FCRL4: variants seen among roughly 807,000 people sequenced by gnomAD.
FCRL4 encodes Fc receptor like 4, also known as Fc receptor-like protein 4.
In FCRL4, 43 loss-of-function variants were observed where a neutral mutation model predicts 64.1. The observed-to-expected ratio is 0.67, with a 90% confidence interval of 0.53 to 0.87. The LOEUF is 0.87. Ranked by LOEUF, FCRL4 falls within the 40% of genes least tolerant of loss-of-function variation. The pLI is 0.00. For synonymous variants in FCRL4, 253 were observed against 239.8 expected, an observed-to-expected ratio of 1.05 and a Z score of -0.51; for missense variants, 656 against 613.5, an observed-to-expected ratio of 1.07 and a Z score of -0.73.
intron 3 of FCRL4, 124 bp from the exon 4 acceptor site, chr1:157,588,243 C>A: frequency 9.1e-7 from 1 of 1,094,670 alleles, no homozygotes; most frequent in Non-Finnish European, 1.3e-6. Flanking sequence ...CTGATCCAAG[C>A]TCACGAAACT....
At chr1:157,597,716 G>A (rs1368851019) in intron 1 of FCRL4, among the ~76,000 whole-genome samples, 198 bp downstream of exon 1, 1 of 152,188 alleles carries the variant, frequency 6.6e-6, no homozygotes, top group Non-Finnish European at 1.5e-5. Flanking sequence ...AGCAAAAATA[G>A]ATGAGAAATA....
intron 4 of FCRL4, 93 bp from the exon 5 acceptor site, chr1:157,587,653 A>C: frequency 7.3e-7 from 1 of 1,377,782 alleles, no homozygotes; most frequent in Non-Finnish European, 9.9e-7. Flanking sequence ...GAAACTTCAG[A>C]CACACAGCAA....
chr1:157,589,549 G>T, intron 2 of FCRL4, 91 bp from the exon 3 acceptor site: 1 of 1,494,028 alleles, frequency 6.7e-7, no homozygotes, highest in East Asian at 2.3e-5. Flanking sequence ...GACATGGCTT[G>T]GGAGATCCCT....
chr1:157,589,685 G>A (rs949412847), intron 2 of FCRL4, among the ~76,000 whole-genome samples: 1 of 152,210 alleles, frequency 6.6e-6, no homozygotes, highest in Non-Finnish European at 1.5e-5. Flanking sequence ...GGGCAGCCCT[G>A]GCAGGATCCA....
intron 3 of FCRL4, 32 bp downstream of exon 3, chr1:157,589,172 T>C: frequency 6.2e-7 from 1 of 1,604,138 alleles, no homozygotes; most frequent in Non-Finnish European, 8.5e-7. Flanking sequence ...ATACCATTTA[T>C]AAAGTTTCAA....
At chr1:157,578,286 G>C (rs530184205) in intron 10 of FCRL4, among the ~76,000 whole-genome samples, 188 bp downstream of exon 10, 1 of 152,262 alleles carries the variant, frequency 6.6e-6, no homozygotes, top group African/African-American at 2.4e-5. Flanking sequence ...AAAGTATACT[G>C]TGTGTATTTC....
In FCRL4 at chr1:157,586,449, G is replaced by C; in HGVS notation, c.854C>G (p.Pro285Arg). Residue 285 changes from proline to arginine, a missense_variant, in exon 6 of 12, where the codon CCT becomes CGT. Transcript: ENST00000271532. ...GGTCTCCAGGAGCACCCCAGACACA[G>C]GGATCCCTATGTGAAAATGAGACCA... ...PSLQIHVQRI[P>R]VSGVLLETQP... The C allele has an allele frequency of 6.2e-7, 1 of 1,605,604 alleles. No homozygotes were observed. Among genetic ancestry groups the C allele is most frequent in the Non-Finnish European group, 8.5e-7 (1 of 1,177,344 alleles).
intron 2 of FCRL4, among the ~76,000 whole-genome samples, chr1:157,591,537 T>C (rs1410820202): frequency 6.6e-6 from 1 of 152,120 alleles, no homozygotes; most frequent in African/African-American, 2.4e-5. Context: ...ACAATAAATA[T>C]ATATGGGAGA....
In FCRL4 at chr1:157,585,344, C is replaced by CTCTTCCTTTCTTTCTT. The variant is rs1553276893; in HGVS notation, c.1135+823_1135+824insAAGAAAGAAAGGAAGA. On this transcript the variant is annotated intron_variant, in intron 6 of 11. Transcript: ENST00000271532. ...CTTCCTTCTCTCTTTCTTTCTCTCTCTCTTTCTTTCTTTCTTTCTTTCTTT... is the reference window on the plus strand; with the variant it reads ...CTTCCTTCTCTCTTTCTTTCTCTCTCTCTTCCTTTCTTTCTTTCTTTCTTTCTTTCTTTCTTTCTTT... Among the ~76,000 whole-genome samples, 128 of 81,320 alleles carry CTCTTCCTTTCTTTCTT rather than the reference C, an allele frequency of 1.6e-3. 2 individuals carry two copies. The highest frequency in any genetic ancestry group is 5.5e-3 in the African/African-American group (125 of 22,780). The allele number at this position is 81,320 out of a possible 152,430, so 53.3% of individuals were successfully genotyped here.
chr1:157,597,874 C>T lies in FCRL4; in HGVS notation c.31+40G>A, dbSNP rs371795945. ...GAGGGCTTTTGCTCATGGTGAGGCT[C>T]AGCTTTGCAGCAAGCAAAGGTCTCC... is the stretch of plus-strand genomic sequence containing the variant. On this transcript the variant is annotated intron_variant, in intron 1 of 11. Coordinates refer to ENST00000271532, the MANE Select transcript of FCRL4 (RefSeq NM_031282.3). 3.6e-5 allele frequency: 57 copies of T among 1,591,936 alleles called. 1 individual carries two copies. The highest frequency in any genetic ancestry group is 4.7e-5 in the Non-Finnish European group (55 of 1,162,200).
intron 2 of FCRL4, 60 bp downstream of exon 2, chr1:157,596,268 A>G: frequency 3.9e-6 from 6 of 1,551,800 alleles, no homozygotes; most frequent in South Asian, 1.1e-5. Flanking sequence ...AGTATTTGAG[A>G]TAAAATATAG....
At chr1:157,587,762 A>G in intron 4 of FCRL4, 103 bp downstream of exon 4, 1 of 1,254,304 alleles carries the variant, frequency 8.0e-7, no homozygotes, top group Admixed American at 2.3e-5. Flanking sequence ...TGTGCCTCTC[A>G]TCTATCCAGA....
chr1:157,588,081 C>A lies in FCRL4; in HGVS notation c.346G>T (p.Gly116Cys). 1.2e-6 allele frequency: 2 copies of A among 1,613,834 alleles called. No individual in the cohort carries two copies. Among genetic ancestry groups the A allele is most frequent in the Non-Finnish European group, 1.7e-6 (2 of 1,179,912 alleles). The stretch of plus-strand genomic sequence containing the variant: ...TGGCATCTCAGAACCAATGTGTCAC[C>A]TTCAAACACAGAATATGGTGCCTGC... ...ILQAPYSVFEGDTLVLRCHRR... is the reference protein window; with the variant it reads ...ILQAPYSVFECDTLVLRCHRR... Residue 116 changes from glycine (G) to cysteine (C), a missense_variant, in exon 4 of 12, where the codon GGT (glycine) becomes TGT (cysteine). Coordinates refer to ENST00000271532, the MANE Select transcript of FCRL4 (RefSeq NM_031282.3).
At chr1:157,577,386 G>A (rs1305817301) in intron 10 of FCRL4, among the ~76,000 whole-genome samples, 1 of 152,168 alleles carries the variant, frequency 6.6e-6, no homozygotes, top group Non-Finnish European at 1.5e-5. Context: ...GTCTTGAAAT[G>A]GGGTCTGAAT....
At chr1:157,578,375 C>G in intron 10 of FCRL4, 99 bp downstream of exon 10, 1 of 1,011,012 alleles carries the variant, frequency 9.9e-7, no homozygotes, top group Non-Finnish European at 1.5e-6. Flanking sequence ...ATTGACTTCC[C>G]ATACTTACAA....
rs1571136878 is a variant in FCRL4, at chr1:157,581,465, C to G, written c.1249+66G>C. Reference sequence around the variant, plus strand: ...AGTGGTGGCCTGGTGGCCACTAAGGCTGTCTGCATGCTGAGTTCAGGGGAA... The same window carrying G: ...AGTGGTGGCCTGGTGGCCACTAAGGGTGTCTGCATGCTGAGTTCAGGGGAA... On this transcript the variant is annotated intron_variant, in intron 7 of 11. Coordinates refer to ENST00000271532, the MANE Select transcript of FCRL4 (RefSeq NM_031282.3). 10 of 1,371,972 alleles carry G rather than the reference C, an allele frequency of 7.3e-6. No homozygotes were observed. The East Asian group carries it at 2.3e-4, about 32-fold the overall frequency. 85.0% of individuals were successfully genotyped at this position (1,371,972 alleles called of 1,614,324 possible).
At chr1:157,585,346 CTTTCTTTCTTTCTT>C (rs1251324875) in intron 6 of FCRL4, among the ~76,000 whole-genome samples, 1 of 29,968 alleles carries the variant, frequency 3.3e-5, no homozygotes, top group Admixed American at 4.2e-4. Context: ...TTCTCTCTCT[CTTTCTTTCTTTCTT>C]TCTTTCTTTC....
chr1:157,577,050 C>G (rs1019094555), intron 10 of FCRL4, among the ~76,000 whole-genome samples: 10 of 152,098 alleles, frequency 6.6e-5, no homozygotes, highest in Non-Finnish European at 2.9e-5. Flanking sequence ...TTCCTTGACT[C>G]TAAGAACCCA....
In FCRL4 at chr1:157,581,556, A is replaced by C; in HGVS notation, c.1224T>G (p.Phe408Leu). The change falls in exon 7 of 12, where the codon TTT becomes TTG. Residue 408 changes from phenylalanine to leucine, a missense_variant. Transcript: ENST00000271532. The part of the protein sequence containing the change: ...SALLLAVALL[F>L]HCWRRRKSGV... The stretch of plus-strand genomic sequence containing the variant: ...CTGACTTCCTCCGACGCCAGCAGTG[A>C]AACAGCAGGGCCACAGCCAGGAGAA... 6.2e-7 allele frequency: 1 copy of C among 1,614,034 alleles called. No individual in the cohort carries two copies. The highest frequency in any genetic ancestry group is 8.5e-7 in the Non-Finnish European group (1 of 1,179,962).
Sources: allele counts gnomAD v4.1 joint callset (sites outside exome capture counted in the v4.1 genomes callset), GRCh38; gene constraint gnomAD v4.1.1; transcripts MANE v1.5; gene names NCBI Gene and HGNC (gene_info 2026-07-23, HGNC 2026-07-21).